The following PFKFB3 variants were observed in gnomAD, a reference collection of about 807,000 sequenced individuals.
PFKFB3 encodes the protein 6-phosphofructo-2-kinase/fructose-2,6-biphosphatase 3, also known as 6-phosphofructo-2-kinase/fructose-2,6-bisphosphatase 3.
A neutral mutation model predicts 68.0 loss-of-function variants in PFKFB3; 33 were observed. The observed-to-expected ratio is 0.49, with a 90% CI of 0.37 to 0.65. PFKFB3 has a LOEUF of 0.65. Ranked by LOEUF, PFKFB3 falls within the 30% of genes least tolerant of loss-of-function variation. The pLI is 0.00. For synonymous variants in PFKFB3, 315 were observed against 288.2 expected (o/e 1.09, Z -0.94); for missense variants, 586 against 712.2 (o/e 0.82, Z 2.02).
rs1841690189 is a variant in PFKFB3 at position 6,154,108 on chromosome 10, G to A, written c.16+9095G>A. Among the ~76,000 whole-genome samples the A allele has an allele frequency of 1.3e-5, 2 of 152,182 alleles. No individual in the cohort carries two copies. The highest frequency in any genetic ancestry group is 2.1e-4 in the South Asian group (1 of 4,830). On this transcript the variant is annotated intron_variant, in intron 1 of 14. Transcript: ENST00000379789. The surrounding 1 kb of genome is among the most constrained non-coding windows in gnomAD (Gnocchi z 4.6). ...AGCACCGCTTCTGCAGGGTGAGAGG[G>A]TGGAAGCCAGGTGGACACAGGCTTA...
intron 1 of PFKFB3, among the ~76,000 whole-genome samples, chr10:6,179,550 T>A (rs928703862): frequency 4.6e-5 from 7 of 151,646 alleles, no homozygotes; most frequent in Non-Finnish European, 7.4e-5. Context: ...AACAGAAGGG[T>A]TTCTCTCCTA....
At chr10:6,177,440 C>CTTTCTTTCTTTCTTTCTT (rs1842542645) in intron 1 of PFKFB3, among the ~76,000 whole-genome samples, 1 of 90,202 alleles carries the variant, frequency 1.1e-5, no homozygotes, top group Admixed American at 1.3e-4. Flanking sequence ...TTTTCTTTCT[C>CTTTCTTTCTTTCTTTCTT]TTTCTTTCTT....
At chr10:6,323,416 C>T in the PFKFB3 span, among the ~76,000 whole-genome samples, 1 of 152,174 alleles carries the variant, frequency 6.6e-6, no homozygotes, top group Admixed American at 6.5e-5. Flanking sequence ...TCACTCTGCT[C>T]ACAGGCTAGT....
chr10:6,324,450 T>C, the PFKFB3 span, among the ~76,000 whole-genome samples: 2 of 151,464 alleles, frequency 1.3e-5, no homozygotes, highest in African/African-American at 4.8e-5. Flanking sequence ...GTTTTGAGAC[T>C]GTGTCTTGCT....
chr10:6,224,314 T>A, intron 13 of PFKFB3, 101 bp downstream of exon 13: 1 of 1,130,616 alleles, frequency 8.8e-7, no homozygotes, highest in Non-Finnish European at 1.3e-6. Context: ...CTGCAGGTGC[T>A]GGCCTGTCTG....
chr10:6,226,491 A>T, intron 14 of PFKFB3, 126 bp downstream of exon 14: 1 of 839,556 alleles, frequency 1.2e-6, no homozygotes, highest in Non-Finnish European at 1.8e-6. Flanking sequence ...GCGCGTGCGT[A>T]TGTTGTAGGT....
At chr10:6,286,765 G>A in the PFKFB3 span, among the ~76,000 whole-genome samples, 44 of 152,254 alleles carry the variant, frequency 2.9e-4, no homozygotes, top group Non-Finnish European at 4.3e-4. Context: ...GTATTCATAA[G>A]TATTTTGTAT....
intron 1 of PFKFB3, among the ~76,000 whole-genome samples, chr10:6,146,986 A>G (rs1409330): frequency 0.7 from 106,616 of 152,184 alleles, 37,913 homozygotes; most frequent in East Asian, 0.88. Flanking sequence ...TTTCCCGGTC[A>G]CCCTGGTGTG....
the PFKFB3 span, among the ~76,000 whole-genome samples, chr10:6,319,030 A>C: frequency 6.6e-6 from 1 of 152,176 alleles, no homozygotes; most frequent in Admixed American, 6.5e-5. Context: ...ACCCTTGATC[A>C]ATATTCTCGG....
Position 6,224,034 on chromosome 10 carries a change from C to G in PFKFB3, c.1276+14C>G. 6.2e-7 allele frequency: 1 copy of G among 1,614,028 alleles called. No individual in the cohort carries two copies. Among genetic ancestry groups the G allele is most frequent in the South Asian group, 1.1e-5 (1 of 91,078 alleles). ...CTGTCGCTTATGGTGAGTAGCAACC[C>G]CTGCCAAGCCCTGTCCCCCTGAAGG... On this transcript the variant is annotated intron_variant, in intron 12 of 14. Coordinates refer to ENST00000379775, the MANE Select transcript of PFKFB3 (RefSeq NM_004566.4).
chr10:6,146,356 T>C, intron 1 of PFKFB3: 1 of 1,534,512 alleles, frequency 6.5e-7, no homozygotes, highest in Non-Finnish European at 8.7e-7. Flanking sequence ...CTGCTGACTC[T>C]CCTGTCCCGT....
At chr10:6,153,356 T>C (rs1841658437) in intron 1 of PFKFB3, among the ~76,000 whole-genome samples, 1 of 152,178 alleles carries the variant, frequency 6.6e-6, no homozygotes, top group Admixed American at 6.6e-5. Flanking sequence ...CGGATGTAAG[T>C]GCAGAGGCTG....
the PFKFB3 span, among the ~76,000 whole-genome samples, chr10:6,305,005 ATTTTTTTTTTTTT>A: frequency 3.4e-4 from 5 of 14,514 alleles, no homozygotes; most frequent in Admixed American, 1.4e-3. Context: ...AATATTAGGA[ATTTTTTTTTTTTT>A]TTTTTTTTTT....
the PFKFB3 span, among the ~76,000 whole-genome samples, chr10:6,278,279 TTTG>T: frequency 5.9e-5 from 9 of 151,632 alleles, no homozygotes; most frequent in Non-Finnish European, 8.8e-5. Flanking sequence ...TTGATTTTTT[TTTG>T]TTGTTGTTGT....
intron 1 of PFKFB3, among the ~76,000 whole-genome samples, chr10:6,192,469 C>T (rs973670940): frequency 1.3e-5 from 2 of 149,184 alleles, no homozygotes; most frequent in Admixed American, 1.4e-4. Context: ...GAGGTGCCAG[C>T]TGTGGCTTGC....
the PFKFB3 span, among the ~76,000 whole-genome samples, chr10:6,303,893 T>C: frequency 6.6e-6 from 1 of 151,774 alleles, no homozygotes; most frequent in African/African-American, 2.4e-5. Context: ...AGGAGTGAAG[T>C]GTCCCATCTC....
chr10:6,304,121 A>T, the PFKFB3 span, among the ~76,000 whole-genome samples: 1 of 152,224 alleles, frequency 6.6e-6, no homozygotes, highest in African/African-American at 2.4e-5. Flanking sequence ...TGTTTCTTAA[A>T]GTGAAGAATC....
At chr10:6,194,937 A>G (rs1013439270) in intron 1 of PFKFB3, among the ~76,000 whole-genome samples, 2 of 151,498 alleles carry the variant, frequency 1.3e-5, no homozygotes, top group African/African-American at 4.9e-5. Context: ...CAGTGGCGCA[A>G]TCTCGGCTCA....
At chr10:6,152,083 A>G (rs1178071319) in intron 1 of PFKFB3, 14 of 154,348 alleles carry the variant, frequency 9.1e-5, no homozygotes, top group Admixed American at 7.9e-4. Flanking sequence ...AATACTGTAC[A>G]TGCTGATGTT....
Sources: gnomAD v4.1 joint callset for allele counts (sites outside exome capture counted in the v4.1 genomes callset) on GRCh38, gnomAD v4.1.1 for gene constraint, Gnocchi (gnomAD v3.1) non-coding constraint, MANE v1.5 for transcripts, NCBI Gene and HGNC (gene_info 2026-07-23, HGNC 2026-07-21) for gene names.